Variants in ATRN observed in about 807,000 individuals in gnomAD.
The protein encoded by ATRN is attractin.
A neutral mutation model predicts 178.7 loss-of-function variants in ATRN; 54 were observed. The ratio of observed to expected loss-of-function variants is 0.30; its 90% confidence interval spans 0.24 to 0.38. The LOEUF (loss-of-function observed/expected upper bound fraction) is 0.38. Ranked by LOEUF, ATRN falls within the 10% of genes least tolerant of loss-of-function variation. The pLI is 1.00. For missense variants in ATRN, 1,443 were observed against 1,815.1 expected (o/e 0.79, Z 3.73); for synonymous variants, 636 against 663.0 (o/e 0.96, Z 0.63).
At chr20:3,477,586 T>G (rs2084546740) in intron 1 of ATRN, among the ~76,000 whole-genome samples, 1 of 85,812 alleles carries the variant, frequency 1.2e-5, no homozygotes, top group African/African-American at 5.4e-5. Flanking sequence ...TGGAGCATAG[T>G]TCACAAGTCC....
At chr20:3,635,363 T>TAATAAATAAATAAATAAATA (rs71331055) in intron 26 of ATRN, among the ~76,000 whole-genome samples, 153 of 149,238 alleles carry the variant, frequency 1.0e-3, no homozygotes, top group Non-Finnish European at 4.5e-4. Flanking sequence ...CCTATTGAAA[T>TAATAAATAAATAAATAAATA]AATAAATAAA....
intron 6 of ATRN, among the ~76,000 whole-genome samples, chr20:3,553,337 C>T (rs551202232): frequency 3.9e-5 from 6 of 152,132 alleles, no homozygotes; most frequent in Non-Finnish European, 8.8e-5. Context: ...TCTCTTCGTA[C>T]CATAATTTCA....
chr20:3,545,846 T>C lies in ATRN; in HGVS notation c.693T>C (p.Phe231=). ...ATSGYALLHF[F]SDAAYNLTGF... ...CAGGTTATGCCTTGCTGCATTTTTT[T>C]AGTGATGCTGCTTATAATTTGACTG... Residue 231 remains phenylalanine, a synonymous_variant, in exon 4 of 29, where the codon TTT becomes TTC. Transcript: ENST00000262919. 1.9e-6 allele frequency: 3 copies of C among 1,614,010 alleles called. No individual in the cohort carries two copies. Among genetic ancestry groups the C allele is most frequent in the East Asian group, 2.2e-5 (1 of 44,874 alleles).
At chr20:3,576,838 C>G (rs1433975621) in intron 13 of ATRN, 21 bp from the exon 14 acceptor site, 2 of 1,611,510 alleles carry the variant, frequency 1.2e-6, no homozygotes, top group Admixed American at 3.3e-5. Context: ...AAAAGAAAAG[C>G]TTTTGTCCAC....
At chr20:3,509,022 GA>G (rs911569234) in intron 1 of ATRN, among the ~76,000 whole-genome samples, 6 of 151,678 alleles carry the variant, frequency 4.0e-5, no homozygotes, top group Middle Eastern at 3.4e-3. Flanking sequence ...AGTTTATAAA[GA>G]AAAAAATGGA....
chr20:3,471,209 C>G lies in ATRN; in HGVS notation c.102C>G (p.Asp34Glu), dbSNP rs906466765. The part of the protein sequence containing the change: ...GRSGGPHWDW[D>E]VTRAGRPGLG... ...GCGGCGGGCCGCACTGGGACTGGGACGTGACCAGGGCTGGGAGGCCGGGGC... is the reference window on the plus strand; with the variant it reads ...GCGGCGGGCCGCACTGGGACTGGGAGGTGACCAGGGCTGGGAGGCCGGGGC... Residue 34 changes from aspartate to glutamate, a missense_variant, in exon 1 of 29, where the codon GAC (aspartate) becomes GAG (glutamate). Physicochemically the swap from Asp to Glu is conservative, Grantham distance 45 (BLOSUM62 2). Coordinates refer to ENST00000262919, the MANE Select transcript of ATRN (RefSeq NM_139321.3). 2.0e-6 allele frequency: 3 copies of G among 1,493,230 alleles called. No individual in the cohort carries two copies. Among genetic ancestry groups the G allele is most frequent in the Non-Finnish European group, 2.7e-6 (3 of 1,128,622 alleles). The allele number at this position is 1,493,230 out of a possible 1,614,324, so 92.5% of individuals were successfully genotyped here.
chr20:3,618,884 T>C (rs1022186425), intron 24 of ATRN, among the ~76,000 whole-genome samples: 2 of 152,254 alleles, frequency 1.3e-5, no homozygotes, highest in African/African-American at 4.8e-5. Flanking sequence ...AGTTGTTTTA[T>C]GTCACAGCCA....
chr20:3,545,439 T>A (rs1170004742), intron 3 of ATRN, among the ~76,000 whole-genome samples: 1 of 151,976 alleles, frequency 6.6e-6, no homozygotes, highest in East Asian at 1.9e-4. Flanking sequence ...CTCATAAAAT[T>A]TGTTACTTTA....
chr20:3,545,364 CAAAA>C (rs1332216289), intron 3 of ATRN, among the ~76,000 whole-genome samples: 2 of 86,338 alleles, frequency 2.3e-5, no homozygotes, highest in Admixed American at 1.3e-4. Context: ...AACTCTGTCT[CAAAA>C]AAAAAAAAAA....
intron 25 of ATRN, among the ~76,000 whole-genome samples, chr20:3,627,358 C>T (rs1287019237): frequency 6.6e-6 from 1 of 152,170 alleles, no homozygotes; most frequent in African/African-American, 2.4e-5. Flanking sequence ...GGTTGAGAAT[C>T]ACTGCTTTAA....
chr20:3,531,996 G>A (rs2085459357), intron 1 of ATRN, among the ~76,000 whole-genome samples: 1 of 152,164 alleles, frequency 6.6e-6, no homozygotes, highest in Non-Finnish European at 1.5e-5. Context: ...TAGGCATAGT[G>A]GTGTGTGCCT....
intron 23 of ATRN, among the ~76,000 whole-genome samples, chr20:3,602,963 C>CAAAAAAAAAAAAAAAAAAA (rs3842439): frequency 2.4e-5 from 1 of 40,868 alleles, no homozygotes; most frequent in African/African-American, 1.1e-4. Context: ...AATTCCATCT[C>CAAAAAAAAAAAAAAAAAAA]AAAAAAAAAA....
intron 1 of ATRN, among the ~76,000 whole-genome samples, chr20:3,529,562 AG>A (rs1301532975): frequency 6.6e-6 from 1 of 152,232 alleles, no homozygotes; most frequent in African/African-American, 2.4e-5. Flanking sequence ...AAGACACAAA[AG>A]TGTCTTTGAT....
intron 3 of ATRN, among the ~76,000 whole-genome samples, chr20:3,542,654 C>A (rs2085641794): frequency 7.1e-6 from 1 of 140,302 alleles, no homozygotes; most frequent in East Asian, 2.1e-4. Context: ...TTCCCTTTTC[C>A]TTTTCTTTCT....
intron 22 of ATRN, among the ~76,000 whole-genome samples, chr20:3,600,269 A>G (rs539754307): frequency 6.6e-6 from 1 of 152,336 alleles, no homozygotes; most frequent in African/African-American, 2.4e-5. Context: ...ATTAAGTTAG[A>G]TTAGCCCTGT....
At chr20:3,624,910 A>T (rs553503154) in intron 25 of ATRN, among the ~76,000 whole-genome samples, 82 of 152,290 alleles carry the variant, frequency 5.4e-4, no homozygotes, top group African/African-American at 1.9e-3. Context: ...ATGGTTACTG[A>T]TGTGAGCTAC....
At chr20:3,643,211 C>A (rs1175522492) in intron 27 of ATRN, among the ~76,000 whole-genome samples, 2 of 152,136 alleles carry the variant, frequency 1.3e-5, no homozygotes, top group Non-Finnish European at 2.9e-5. Flanking sequence ...CCTGAGAGAC[C>A]TCAGGAGATA....
At chr20:3,546,722 C>G (rs1279787943) in intron 4 of ATRN, among the ~76,000 whole-genome samples, 1 of 151,936 alleles carries the variant, frequency 6.6e-6, no homozygotes, top group Non-Finnish European at 1.5e-5. Flanking sequence ...GTTAAACTAG[C>G]CTGCCTTCTT....
At chr20:3,628,586 C>T (rs1276471238) in intron 25 of ATRN, among the ~76,000 whole-genome samples, 1 of 152,116 alleles carries the variant, frequency 6.6e-6, no homozygotes, top group South Asian at 2.1e-4. Flanking sequence ...CCTATGCTAC[C>T]CACCCACTAG....
Sources: allele counts gnomAD v4.1 joint callset (sites outside exome capture counted in the v4.1 genomes callset), GRCh38; gene constraint gnomAD v4.1.1; transcripts MANE v1.5; gene names NCBI Gene and HGNC (gene_info 2026-07-23, HGNC 2026-07-21).